The following FLVCR2 variants were observed in gnomAD, a reference collection of about 807,000 sequenced individuals.
FLVCR2 encodes the protein FLVCR choline and putative heme transporter 2, also known as choline/ethanolamine transporter FLVCR2.
Under a neutral mutation model 48.9 loss-of-function variants are expected in FLVCR2, and 38 were observed. The observed-to-expected ratio is 0.78, with a 90% CI of 0.60 to 1.02. FLVCR2 has a LOEUF of 1.02. FLVCR2 is among the 50% of genes least tolerant of loss of function. FLVCR2 has a pLI of 0.00. For synonymous variants in FLVCR2, 255 were observed against 257.0 expected (o/e 0.99, Z 0.07); for missense variants, 664 against 663.3 (o/e 1.00, Z -0.01).
chr14:75,638,047 C>T (rs1285817566), intron 5 of FLVCR2, among the ~76,000 whole-genome samples: 1 of 152,182 alleles, frequency 6.6e-6, no homozygotes, highest in African/African-American at 2.4e-5. Flanking sequence ...AGGTTTCTCA[C>T]ATTGGCTTTG....
chr14:75,616,918 G>A (rs80093067), intron 1 of FLVCR2, among the ~76,000 whole-genome samples: 2,269 of 152,328 alleles, frequency 0.015, 73 homozygotes, highest in African/African-American at 0.051. Flanking sequence ...TGGACAAAGA[G>A]CTCCTTGCCT....
At chr14:75,634,873 C>A in intron 4 of FLVCR2, 37 bp from the exon 5 acceptor site, 1 of 1,436,566 alleles carries the variant, frequency 7.0e-7, no homozygotes, top group Non-Finnish European at 9.8e-7. Context: ...GGTCTTGTCC[C>A]ATCGCCGGGT....
chr14:75,617,240 C>G (rs900105729), intron 1 of FLVCR2, among the ~76,000 whole-genome samples: 1 of 152,140 alleles, frequency 6.6e-6, no homozygotes, highest in African/African-American at 2.4e-5. Flanking sequence ...GCTAGAATCA[C>G]AAGTGAGACA....
At chr14:75,634,857 G>A (rs954847964) in intron 4 of FLVCR2, 53 bp from the exon 5 acceptor site, 7 of 1,239,232 alleles carry the variant, frequency 5.6e-6, no homozygotes, top group Non-Finnish European at 8.3e-6. Flanking sequence ...ACTGTGCTCT[G>A]TCCTGGGTCT....
At chr14:75,589,126 G>C (rs551129098) in intron 1 of FLVCR2, among the ~76,000 whole-genome samples, 4 of 152,182 alleles carry the variant, frequency 2.6e-5, no homozygotes, top group African/African-American at 9.6e-5. Context: ...TGAGGTACAA[G>C]GATCGCTTGA....
intron 1 of FLVCR2, among the ~76,000 whole-genome samples, chr14:75,604,693 C>T (rs1013973780): frequency 5.9e-5 from 9 of 152,172 alleles, no homozygotes; most frequent in African/African-American, 2.2e-4. Context: ...CTAATACTAC[C>T]GGACATTGCC....
chr14:75,633,847 G>A (rs1194754505), intron 4 of FLVCR2, 151 bp downstream of exon 4: 2 of 725,112 alleles, frequency 2.8e-6, no homozygotes, highest in African/African-American at 1.7e-5. Context: ...GAGGGAGATG[G>A]CCCTAGATCT....
At position 75,647,802 on chromosome 14, in the gene FLVCR2, A is replaced by T. The variant is rs564746565; in HGVS notation, c.*1330A>T. ...CTCCAGCCACTGCCCTGGCCTCAGCATATCAGGGCAGCCTGTGCTGGCTGC... is the reference window on the plus strand; with the variant it reads ...CTCCAGCCACTGCCCTGGCCTCAGCTTATCAGGGCAGCCTGTGCTGGCTGC... On this transcript the variant is annotated 3_prime_UTR_variant, in exon 10 of 10. Transcript: ENST00000238667. The T allele has an allele frequency of 6.5e-6, 1 of 152,694 alleles. No homozygotes were observed. Among genetic ancestry groups the T allele is most frequent in the Non-Finnish European group, 1.5e-5 (1 of 68,078 alleles). The allele number at this position is 152,694 out of a possible 1,614,324, so 9.5% of individuals were successfully genotyped here.
intron 1 of FLVCR2, among the ~76,000 whole-genome samples, chr14:75,583,460 G>C (rs1888661864): frequency 3.3e-5 from 5 of 152,122 alleles, no homozygotes; most frequent in Admixed American, 6.5e-5. Context: ...ATTTTAATGG[G>C]ATAGTAATGG....
Position 75,646,847 on chromosome 14 carries a change from G to C in FLVCR2, c.*375G>C. On this transcript the variant is annotated 3_prime_UTR_variant, in exon 10 of 10. Transcript: ENST00000238667. ...TTTCACAGGAAGAAAGCCTATTCAGGATATTAACTTGAAATTTCCAGTGTC... is the reference window on the plus strand; with the variant it reads ...TTTCACAGGAAGAAAGCCTATTCAGCATATTAACTTGAAATTTCCAGTGTC... The C allele has an allele frequency of 3.0e-6, 1 of 336,102 alleles. No individual in the cohort carries two copies. The highest frequency in any genetic ancestry group is 5.9e-6 in the Non-Finnish European group (1 of 170,716). 20.8% of individuals were successfully genotyped at this position (336,102 alleles called of 1,614,324 possible). A position where few individuals can be genotyped will look rare whatever the true frequency, so the allele number is the denominator to read the frequency against.
rs1163085989 is a variant in FLVCR2, at chr14:75,591,806, CTTTTTTTTTTTT to C, written c.669+12179_669+12190del. ...CCAGGCTCTCTTTTTCTCTTCATTC[CTTTTTTTTTTTT>C]TTTTTTTTTTTTTGACAAAGGGTCT... On this transcript the variant is annotated intron_variant, in intron 1 of 9. Coordinates refer to ENST00000238667, the MANE Select transcript of FLVCR2 (RefSeq NM_017791.3). 7.3e-5 allele frequency among the ~76,000 whole-genome samples: 8 copies of C among 109,334 alleles called. No homozygotes were observed. The East Asian group carries it at 1.5e-3, about 20-fold the overall frequency. 71.7% of individuals were successfully genotyped at this position (109,334 alleles called of 152,430 possible).
chr14:75,629,418 A>G (rs1287700485), intron 3 of FLVCR2, among the ~76,000 whole-genome samples: 1 of 152,176 alleles, frequency 6.6e-6, no homozygotes, highest in Non-Finnish European at 1.5e-5. Flanking sequence ...ACTGCCAGTA[A>G]AACACCCTTC....
intron 1 of FLVCR2, among the ~76,000 whole-genome samples, chr14:75,597,595 A>G (rs1234208885): frequency 6.6e-6 from 1 of 151,606 alleles, no homozygotes; most frequent in Non-Finnish European, 1.5e-5. Context: ...TTTGAGATAG[A>G]GTCTCACTTT....
intron 3 of FLVCR2, among the ~76,000 whole-genome samples, chr14:75,632,172 C>T (rs1468973193): frequency 2.0e-5 from 3 of 152,218 alleles, no homozygotes; most frequent in Non-Finnish European, 4.4e-5. Flanking sequence ...TCTGGAGCCA[C>T]AGGGCCTGAG....
At chr14:75,616,983 C>G (rs1311985246) in intron 1 of FLVCR2, among the ~76,000 whole-genome samples, 2 of 152,146 alleles carry the variant, frequency 1.3e-5, no homozygotes, top group African/African-American at 4.8e-5. Flanking sequence ...ATATTCTGGC[C>G]CCATGACTAG....
At chr14:75,594,338 A>T (rs926381260) in intron 1 of FLVCR2, among the ~76,000 whole-genome samples, 17 of 152,210 alleles carry the variant, frequency 1.1e-4, no homozygotes, top group Non-Finnish European at 1.9e-4. Flanking sequence ...CATTCATGGC[A>T]GACTTTTCTC....
At chr14:75,608,311 GC>G (rs1453349739) in intron 1 of FLVCR2, among the ~76,000 whole-genome samples, 2 of 152,162 alleles carry the variant, frequency 1.3e-5, no homozygotes, top group African/African-American at 4.8e-5. Context: ...AGCTATACTT[GC>G]TGATTTGATC....
At position 75,641,238 on chromosome 14, in the gene FLVCR2, C is replaced by T; in HGVS notation, c.1398C>T (p.Thr466=). The change falls in exon 8 of 10, where the codon ACC becomes ACT. Residue 466 remains threonine, a synonymous_variant. Transcript: ENST00000238667. Reference sequence around the variant, plus strand: ...GCCAGATTATTGACAACTATGGAACCAAGCCTGGGAACATCTTCCTGTGTG... The same window carrying T: ...GCCAGATTATTGACAACTATGGAACTAAGCCTGGGAACATCTTCCTGTGTG... ...SQGQIIDNYG[T]KPGNIFLCVF... 1.2e-6 allele frequency: 2 copies of T among 1,614,080 alleles called. No individual in the cohort carries two copies. The highest frequency in any genetic ancestry group is 2.2e-5 in the South Asian group (2 of 91,070).
Position 75,646,781 on chromosome 14 carries a change from C to T in FLVCR2, c.*309C>T, listed in dbSNP as rs1460255660. 5.0e-6 allele frequency: 2 copies of T among 403,602 alleles called. No individual in the cohort carries two copies. Among genetic ancestry groups the T allele is most frequent in the Non-Finnish European group, 9.4e-6 (2 of 212,184 alleles). 25.0% of individuals were successfully genotyped at this position (403,602 alleles called of 1,614,324 possible). ...CAATCCTAGCTTGGTCTCTTGCCTT[C>T]CCTCTTTTCCTCCATCCATCGTGGA... On this transcript the variant is annotated 3_prime_UTR_variant, in exon 10 of 10. Transcript: ENST00000238667.
Sources: allele counts gnomAD v4.1 joint callset (sites outside exome capture counted in the v4.1 genomes callset), GRCh38; gene constraint gnomAD v4.1.1; transcripts MANE v1.5; gene names NCBI Gene and HGNC (gene_info 2026-07-23, HGNC 2026-07-21).